Variants in LUZP2 observed in about 807,000 individuals in gnomAD.
The protein encoded by LUZP2 is leucine zipper protein 2.
LUZP2 carries 52 observed loss-of-function variants against 51.6 expected under a neutral mutation model. The ratio of observed to expected loss-of-function variants is 1.01; its 90% CI spans 0.81 to 1.27. LUZP2 has a LOEUF of 1.27. Ranked by LOEUF, LUZP2 falls within the 50% of genes most tolerant of loss-of-function variation. The probability of loss-of-function intolerance (pLI) is 0.00; values close to 1 mark genes in which losing one functional copy is unlikely to be tolerated. For synonymous variants in LUZP2, 154 were observed against 137.3 expected, an observed-to-expected ratio of 1.12 and a Z score of -0.85; for missense variants, 436 against 395.4, an observed-to-expected ratio of 1.10 and a Z score of -0.87.
At chr11:24,935,155 C>A (rs895326976) in intron 7 of LUZP2, among the ~76,000 whole-genome samples, 8 of 152,264 alleles carry the variant, frequency 5.3e-5, no homozygotes, top group African/African-American at 1.4e-4. Flanking sequence ...TTTACATATT[C>A]TTTTCTTGTG....
intron 7 of LUZP2, among the ~76,000 whole-genome samples, chr11:24,925,555 T>C (rs1255662310): frequency 6.6e-6 from 1 of 152,096 alleles, no homozygotes; most frequent in Non-Finnish European, 1.5e-5. Context: ...CTTATTTTTT[T>C]CATTATTCAC....
chr11:24,794,722 C>G (rs867738805), intron 5 of LUZP2, among the ~76,000 whole-genome samples: 6 of 151,934 alleles, frequency 3.9e-5, no homozygotes, highest in Non-Finnish European at 5.9e-5. Flanking sequence ...ACATGTAATA[C>G]AAATAATATT....
At chr11:25,075,767 G>T (rs1010014723) in intron 10 of LUZP2, among the ~76,000 whole-genome samples, 2 of 152,050 alleles carry the variant, frequency 1.3e-5, no homozygotes, top group African/African-American at 4.8e-5. Context: ...TACATGGTTT[G>T]TGTTCATTTA....
chr11:25,042,241 AAAG>A (rs1858089279), intron 9 of LUZP2, among the ~76,000 whole-genome samples: 2 of 114,430 alleles, frequency 1.7e-5, no homozygotes, highest in Non-Finnish European at 4.0e-5. Flanking sequence ...GGCACAAGAA[AAAG>A]ACTAATATAT....
At chr11:24,676,024 G>A (rs1856538205) in intron 1 of LUZP2, among the ~76,000 whole-genome samples, 1 of 151,838 alleles carries the variant, frequency 6.6e-6, no homozygotes, top group African/African-American at 2.4e-5. Context: ...TCACCATGTT[G>A]GTCAGGCTAG....
intron 5 of LUZP2, among the ~76,000 whole-genome samples, chr11:24,763,908 A>G (rs1860083211): frequency 6.6e-6 from 1 of 152,170 alleles, no homozygotes; most frequent in South Asian, 2.1e-4. Flanking sequence ...ATTAATTAAG[A>G]CCATTGAGCC....
intron 1 of LUZP2, among the ~76,000 whole-genome samples, chr11:24,510,902 G>A (rs1850290155): frequency 6.6e-6 from 1 of 152,154 alleles, no homozygotes; most frequent in African/African-American, 2.4e-5. Flanking sequence ...CTTCCAGCTT[G>A]TTGCTCTGTT....
rs76377779 is a variant in LUZP2, at chr11:24,992,518, G to A, written c.765+9225G>A. ...AAGCTCCATGAAAATAGGCAACTAA[G>A]TTTCTTTTGCTCACTAACATATACC... On this transcript the variant is annotated intron_variant, in intron 9 of 11. Coordinates refer to ENST00000336930, the MANE Select transcript of LUZP2 (RefSeq NM_001009909.4). Among the ~76,000 whole-genome samples, 1,033 of 152,156 alleles carry A rather than the reference G, an allele frequency of 6.8e-3. 33 individuals are homozygous for A. In the East Asian group the frequency reaches 0.099, roughly 15 times the overall value.
At chr11:24,744,237 G>C (rs892420685) in intron 4 of LUZP2, among the ~76,000 whole-genome samples, 2 of 152,146 alleles carry the variant, frequency 1.3e-5, no homozygotes, top group African/African-American at 4.8e-5. Flanking sequence ...GAATAAATTA[G>C]GGAGGGTTCC....
chr11:24,658,967 TTGG>T (rs1304019792), intron 1 of LUZP2, among the ~76,000 whole-genome samples: 3 of 152,204 alleles, frequency 2.0e-5, no homozygotes, highest in African/African-American at 4.8e-5. Flanking sequence ...TTTTATACTG[TTGG>T]TGGGACTGTA....
chr11:25,013,076 A>G (rs1052727803), intron 9 of LUZP2, among the ~76,000 whole-genome samples: 5 of 152,208 alleles, frequency 3.3e-5, no homozygotes, highest in Admixed American at 6.5e-5. Context: ...TTTCAGCAAC[A>G]TGGATGAAAC....
chr11:24,643,487 T>A (rs73434975), intron 1 of LUZP2, among the ~76,000 whole-genome samples: 1 of 152,152 alleles, frequency 6.6e-6, no homozygotes, highest in Admixed American at 6.6e-5. Context: ...ACTTACCCCA[T>A]GTAACTATTG....
intron 10 of LUZP2, among the ~76,000 whole-genome samples, chr11:25,058,555 T>C (rs1858749654): frequency 6.6e-6 from 1 of 152,224 alleles, no homozygotes; most frequent in African/African-American, 2.4e-5. Flanking sequence ...GAATGTATTT[T>C]GTCTTTCATC....
chr11:24,725,393 C>T (rs10834455), intron 1 of LUZP2, among the ~76,000 whole-genome samples: 51,551 of 151,748 alleles, frequency 0.34, 9,381 homozygotes, highest in Non-Finnish European at 0.41. Flanking sequence ...GTTATAGTAC[C>T]CCTTCCTACT....
At chr11:24,872,473 G>A (rs1474826750) in intron 5 of LUZP2, among the ~76,000 whole-genome samples, 1 of 152,080 alleles carries the variant, frequency 6.6e-6, no homozygotes, top group Non-Finnish European at 1.5e-5. Context: ...AACCATTCAA[G>A]GGGATTAAAA....
Position 24,663,660 on chromosome 11 carries a change from C to T in LUZP2, c.63-65509C>T, listed in dbSNP as rs146090559. On this transcript the variant is annotated intron_variant, in intron 1 of 11. Transcript: ENST00000336930. ...AGCTATGTAGTGAATATGATTTAGC[C>T]GTGTCCCCATCCAAATCTCAACTTA... is the stretch of plus-strand genomic sequence containing the variant. Among the ~76,000 whole-genome samples the T allele has an allele frequency of 1.6e-3, 242 of 152,062 alleles. 1 individual carries two copies. Among genetic ancestry groups the T allele is most frequent in the African/African-American group, 5.3e-3 (219 of 41,488 alleles).
intron 2 of LUZP2, among the ~76,000 whole-genome samples, 177 bp downstream of exon 2, chr11:24,729,463 A>G (rs1232929331): frequency 6.6e-6 from 1 of 151,974 alleles, no homozygotes; most frequent in Non-Finnish European, 1.5e-5. Context: ...TAGTCTAGGA[A>G]TCTGTGTTTA....
At chr11:25,077,657 G>T (rs374198128) in intron 11 of LUZP2, among the ~76,000 whole-genome samples, 3 of 151,274 alleles carry the variant, frequency 2.0e-5, no homozygotes, top group Non-Finnish European at 4.4e-5. Flanking sequence ...CCACCACCAC[G>T]CCCAAATTTT....
At chr11:25,069,842 T>A (rs1206280939) in intron 10 of LUZP2, among the ~76,000 whole-genome samples, 3 of 151,920 alleles carry the variant, frequency 2.0e-5, no homozygotes. Flanking sequence ...CTTATTTTTT[T>A]TTAATTTGTT....
Sources: gnomAD v4.1 joint callset for allele counts (sites outside exome capture counted in the v4.1 genomes callset) on GRCh38, gnomAD v4.1.1 for gene constraint, MANE v1.5 for transcripts, NCBI Gene and HGNC (gene_info 2026-07-23, HGNC 2026-07-21) for gene names.